The following ZNF843 variants were observed in gnomAD, a reference collection of about 807,000 sequenced individuals.
The protein encoded by ZNF843 is zinc finger protein 843.
For missense variants in ZNF843, 482 were observed against 469.4 expected (o/e 1.03, Z -0.25); for synonymous variants, 185 against 207.7 (o/e 0.89, Z 0.94).
rs1195437372 is a variant in ZNF843, at chr16:31,436,036, A to G, written c.814T>C (p.Cys272Arg). Reference protein sequence around the residue: ...QQEGAMGPRSCASAGRDSREA... With the variant: ...QQEGAMGPRSRASAGRDSREA... ...CGCGAGTCCCGTCCCGCGCTCGCACAGCTTCTGGGCCCCATCGCCCCCTCC... is the reference window on the plus strand; with the variant it reads ...CGCGAGTCCCGTCCCGCGCTCGCACGGCTTCTGGGCCCCATCGCCCCCTCC... The change falls in exon 2 of 2, where the codon TGT becomes CGT. Residue 272 changes from cysteine (C) to arginine (R), a missense_variant. Transcript: ENST00000315678. 4 of 1,536,840 alleles carry G rather than the reference A, an allele frequency of 2.6e-6. No individual in the cohort carries two copies. The highest frequency in any genetic ancestry group is 3.5e-6 in the Non-Finnish European group (4 of 1,140,352).
At chr16:31,438,466 C>CT (rs2082190792) in intron 1 of ZNF843, among the ~76,000 whole-genome samples, 1 of 152,044 alleles carries the variant, frequency 6.6e-6, no homozygotes, top group Non-Finnish European at 1.5e-5. Context: ...ATTTTTAGGC[C>CT]TATTAGGCCT....
upstream of ZNF843, chr16:31,443,095 G>A (rs943706936): frequency 1.3e-5 from 2 of 152,266 alleles, no homozygotes; most frequent in Non-Finnish European, 2.9e-5. Context: ...CAGGATGAGG[G>A]AGTCCGCGCC....
At position 31,436,479 on chromosome 16, in the gene ZNF843, C is replaced by T. The variant is rs1279778132; in HGVS notation, c.371G>A (p.Gly124Asp). ...EALRLSPVPA[G>D]FWGPVEADRP... ...ATCAGCTTCCACCGGTCCCCAAAAA[C>T]CTGCTGGTACTGGGGACAGACGCAG... The change falls in exon 2 of 2, where the codon GGT becomes GAT. Residue 124 changes from glycine to aspartate, a missense_variant. Physicochemically the swap from Gly to Asp is moderately conservative, Grantham distance 94. Transcript: ENST00000315678. The T allele has an allele frequency of 3.2e-6, 5 of 1,551,722 alleles. No individual in the cohort carries two copies. Among genetic ancestry groups the T allele is most frequent in the Admixed American group, 2.0e-5 (1 of 51,010 alleles).
In ZNF843 at chr16:31,436,048, CCA is replaced by C; in HGVS notation, c.800_801del (p.Met267ArgfsTer23). ...CCCGCGCTCGCACAGCTTCTGGGCC[CCA>C]TCGCCCCCTCCTGCTGAGCTGCCGG... ...TQPAAQQEGA[M>X]GPRSCASAGR... is the part of the protein sequence containing the mutation. On this transcript the variant is annotated frameshift_variant, in exon 2 of 2. Transcript: ENST00000315678. LOFTEE classifies it low-confidence loss of function (END_TRUNC). The C allele has an allele frequency of 6.5e-7, 1 of 1,542,216 alleles. No individual in the cohort carries two copies. Among genetic ancestry groups the C allele is most frequent in the East Asian group, 2.4e-5 (1 of 40,900 alleles).
In ZNF843 at chr16:31,435,711, C is replaced by A. The variant is rs925363372; in HGVS notation, c.*92G>T. The A allele has an allele frequency of 8.7e-6, 11 of 1,259,036 alleles. No homozygotes were observed. Among genetic ancestry groups the A allele is most frequent in the Non-Finnish European group, 1.2e-5 (11 of 944,424 alleles). The allele number at this position is 1,259,036 out of a possible 1,614,324, so 78.0% of individuals were successfully genotyped here. On this transcript the variant is annotated 3_prime_UTR_variant, in exon 2 of 2. Coordinates refer to ENST00000315678, the MANE Select transcript of ZNF843 (RefSeq NM_001136509.3). ...TGCCATACAGAAAAGCCGTCCTGAG[C>A]GGGTCTGTGTGGAGGGAGGGGACTG...
At position 31,436,286 on chromosome 16, in the gene ZNF843, G is replaced by T. The variant is rs750936409; in HGVS notation, c.564C>A (p.Val188=). The T allele has an allele frequency of 6.5e-7, 1 of 1,549,310 alleles. No individual in the cohort carries two copies. The highest frequency in any genetic ancestry group is 8.7e-7 in the Non-Finnish European group (1 of 1,145,718). ...VESVSLAPSS[V]APDSTSGLRP... is the part of the protein sequence containing the mutation. ...GGAGCCCAGAGGTGCTGTCCGGGGCGACTGAGCTGGGTGCGAGGCTGACGC... is the reference window on the plus strand; with the variant it reads ...GGAGCCCAGAGGTGCTGTCCGGGGCTACTGAGCTGGGTGCGAGGCTGACGC... Residue 188 remains valine (V), a synonymous_variant, in exon 2 of 2, where the codon GTC becomes GTA. Transcript: ENST00000315678.
At chr16:31,442,196 C>T (rs991123241) in intron 1 of ZNF843, among the ~76,000 whole-genome samples, 15 of 152,258 alleles carry the variant, frequency 9.9e-5, no homozygotes, top group Non-Finnish European at 1.3e-4. Context: ...CGTGTGGGGT[C>T]CACGGAACGC....
intron 1 of ZNF843, among the ~76,000 whole-genome samples, chr16:31,438,917 C>A (rs533333385): frequency 6.8e-6 from 1 of 147,804 alleles, no homozygotes; most frequent in African/African-American, 2.5e-5. Context: ...AAATAAACAC[C>A]GCATGTTCCC....
rs2082179972 is a variant in ZNF843 at position 31,436,208 on chromosome 16, G to T, written c.642C>A (p.Leu214=). The T allele has an allele frequency of 1.1e-5, 17 of 1,537,802 alleles. No homozygotes were observed. The highest frequency in any genetic ancestry group is 1.4e-5 in the Non-Finnish European group (16 of 1,139,756). The change falls in exon 2 of 2, where the codon CTC becomes CTA. Residue 214 remains leucine (L), a synonymous_variant. Transcript: ENST00000315678. ...GATAAAGGAAGGGAGGTCGGGGCAGGAGTGTGGATGGGGGCAGATGTTGAA... is the reference window on the plus strand; with the variant it reads ...GATAAAGGAAGGGAGGTCGGGGCAGTAGTGTGGATGGGGGCAGATGTTGAA... ...SFLQHLPPST[L]LPRPPFLYPG...
chr16:31,441,412 TCA>T (rs772478589), intron 1 of ZNF843, among the ~76,000 whole-genome samples: 1 of 152,218 alleles, frequency 6.6e-6, no homozygotes, highest in African/African-American at 2.4e-5. Flanking sequence ...CTGTTTATCC[TCA>T]GTTACCGCCA....
Position 31,436,253 on chromosome 16 carries a change from A to G in ZNF843, c.597T>C (p.Cys199=), listed in dbSNP as rs1256722761. The G allele has an allele frequency of 1.3e-6, 2 of 1,546,102 alleles. No individual in the cohort carries two copies. Among genetic ancestry groups the G allele is most frequent in the East Asian group, 4.9e-5 (2 of 40,878 alleles). Residue 199 remains cysteine, a synonymous_variant, in exon 2 of 2, where the codon TGT becomes TGC. Coordinates refer to ENST00000315678, the MANE Select transcript of ZNF843 (RefSeq NM_001136509.3). ...GTTGAAGGAAGGACCCGGGGCTCCC[A>G]CAGGGCCGGAGCCCAGAGGTGCTGT... The part of the protein sequence containing the change: ...APDSTSGLRP[C]GSPGSFLQHL...
upstream of ZNF843, chr16:31,442,833 C>G (rs1287893688): frequency 2.0e-5 from 3 of 152,248 alleles, no homozygotes; most frequent in Non-Finnish European, 2.9e-5. Context: ...CCGCAAGGGA[C>G]CCTGGGAGCT....
At chr16:31,440,402 C>T (rs1485148369) in intron 1 of ZNF843, among the ~76,000 whole-genome samples, 3 of 152,216 alleles carry the variant, frequency 2.0e-5, no homozygotes, top group Non-Finnish European at 4.4e-5. Context: ...CAAGAGGAAG[C>T]CATTCCAAGC....
At chr16:31,438,537 T>C (rs2142884007) in intron 1 of ZNF843, among the ~76,000 whole-genome samples, 1 of 152,118 alleles carries the variant, frequency 6.6e-6, no homozygotes. Context: ...TTCTGGCCAC[T>C]CTGAGCCCTG....
chr16:31,436,318 C>G lies in ZNF843; in HGVS notation c.532G>C (p.Val178Leu). Residue 178 changes from valine to leucine, a missense_variant, in exon 2 of 2, where the codon GTG (valine) becomes CTG (leucine). Transcript: ENST00000315678. ...CTGGGTGCGAGGCTGACGCTCTCCA[C>G]GCTCCCACCCCTGCAGGTCTTCTCC... is the stretch of plus-strand genomic sequence containing the variant. ...PGEKTCRGGS[V>L]ESVSLAPSSV... 6.5e-7 allele frequency: 1 copy of G among 1,547,102 alleles called. No individual in the cohort carries two copies. Among genetic ancestry groups the G allele is most frequent in the Non-Finnish European group, 8.7e-7 (1 of 1,144,154 alleles).
In ZNF843 at chr16:31,436,501, G is replaced by T. The variant is rs866162007; in HGVS notation, c.349C>A (p.Arg117Ser). The change falls in exon 2 of 2, where the codon CGT becomes AGT. Residue 117 changes from arginine to serine, a missense_variant. Transcript: ENST00000315678. ...TKEHTLAEALRLSPVPAGFWG... is the reference protein window; with the variant it reads ...TKEHTLAEALSLSPVPAGFWG... ...AAACCTGCTGGTACTGGGGACAGAC[G>T]CAGGGCTTCGGCCAGTGTGTGCTCC... is the stretch of plus-strand genomic sequence containing the variant. The T allele has an allele frequency of 1.3e-6, 2 of 1,551,454 alleles. No homozygotes were observed. Among genetic ancestry groups the T allele is most frequent in the South Asian group, 1.2e-5 (1 of 84,012 alleles).
At chr16:31,437,727 C>A (rs1462511560) in intron 1 of ZNF843, among the ~76,000 whole-genome samples, 1 of 150,068 alleles carries the variant, frequency 6.7e-6, no homozygotes, top group Admixed American at 6.7e-5. Context: ...CGGGTTCAAG[C>A]GATTCTCCTG....
chr16:31,438,722 CT>C (rs772016571), intron 1 of ZNF843, among the ~76,000 whole-genome samples: 61 of 152,072 alleles, frequency 4.0e-4, no homozygotes, highest in Admixed American at 6.5e-4. Context: ...TTTAATACCC[CT>C]ATGCCAAAAA....
intron 1 of ZNF843, among the ~76,000 whole-genome samples, chr16:31,438,474 C>T (rs1484747683): frequency 6.6e-6 from 1 of 152,116 alleles, no homozygotes; most frequent in African/African-American, 2.4e-5. Context: ...GCCTATTAGG[C>T]CTGTCAGTCT....
Sources: gnomAD v4.1 joint callset for allele counts (sites outside exome capture counted in the v4.1 genomes callset) on GRCh38, gnomAD v4.1.1 for gene constraint, MANE v1.5 for transcripts, NCBI Gene and HGNC (gene_info 2026-07-23, HGNC 2026-07-21) for gene names.